Variants in PAX5 observed in about 807,000 individuals in gnomAD.
The protein encoded by PAX5 is paired box 5.
In PAX5, 9 loss-of-function variants were observed where a neutral mutation model predicts 43.7. That is an observed-to-expected ratio of 0.21 (90% CI 0.12 to 0.36). The LOEUF (loss-of-function observed/expected upper bound fraction) is 0.36, where lower values mean the gene tolerates loss of function less well. Ranked by LOEUF, PAX5 falls within the 10% of genes least tolerant of loss-of-function variation. The probability of loss-of-function intolerance (pLI) is 1.00; values close to 1 mark genes in which losing one functional copy is unlikely to be tolerated. For synonymous variants in PAX5, 228 were observed against 214.3 expected, an observed-to-expected ratio of 1.06 and a Z score of -0.56; for missense variants, 383 against 532.7, an observed-to-expected ratio of 0.72 and a Z score of 2.77.
chr9:36,972,636 C>A lies in PAX5; in HGVS notation c.605-5912G>T, dbSNP rs184662671. Among the ~76,000 whole-genome samples, 263 of 152,232 alleles carry A rather than the reference C, an allele frequency of 1.7e-3. 1 individual carries two copies. Among genetic ancestry groups the A allele is most frequent in the African/African-American group, 6.1e-3 (253 of 41,538 alleles). On this transcript the variant is annotated intron_variant, in intron 5 of 9. Transcript: ENST00000358127. ...GAATGAGCACTCCTGTGATGAGAGG[C>A]CTGTTGGTTGGGGGTGGTGGGAGTG...
At chr9:36,934,819 G>A (rs1176135388) in intron 6 of PAX5, among the ~76,000 whole-genome samples, 1 of 152,184 alleles carries the variant, frequency 6.6e-6, no homozygotes, top group Admixed American at 6.5e-5. Context: ...ATAAGGATGA[G>A]ACAGTGTCTC....
intron 5 of PAX5, among the ~76,000 whole-genome samples, chr9:36,999,923 G>A (rs775147290): frequency 2.0e-5 from 3 of 151,992 alleles, no homozygotes; most frequent in African/African-American, 7.2e-5. Context: ...GCTCTGCCCA[G>A]CCCCAGACTG....
intron 9 of PAX5, 97 bp from the exon 10 acceptor site, chr9:36,840,733 G>A: frequency 2.8e-6 from 2 of 724,202 alleles, no homozygotes; most frequent in South Asian, 1.8e-5. Context: ...CTCAGTCCGG[G>A]CCACCATCCT....
At chr9:36,883,245 GTTACACATGCT>G (rs1826608920) in intron 7 of PAX5, among the ~76,000 whole-genome samples, 2 of 152,156 alleles carry the variant, frequency 1.3e-5, no homozygotes, top group Non-Finnish European at 1.5e-5. Flanking sequence ...TTCTGCTGCT[GTTACACATGCT>G]TTAAAACCTT....
At chr9:36,895,608 C>T (rs368844870) in intron 7 of PAX5, among the ~76,000 whole-genome samples, 18 of 152,254 alleles carry the variant, frequency 1.2e-4, no homozygotes, top group East Asian at 3.9e-4. Flanking sequence ...CTTAGGAAGC[C>T]GCCTGGCCCA....
intron 7 of PAX5, among the ~76,000 whole-genome samples, chr9:36,905,740 G>A (rs759540959): frequency 2.0e-5 from 3 of 152,186 alleles, no homozygotes; most frequent in Non-Finnish European, 4.4e-5. Context: ...ACTCTGCAAG[G>A]ACAAAGGCTG....
intron 6 of PAX5, among the ~76,000 whole-genome samples, chr9:36,963,437 A>T (rs1712378176): frequency 6.6e-6 from 1 of 151,900 alleles, no homozygotes; most frequent in Non-Finnish European, 1.5e-5. Context: ...CCCAGGTAAC[A>T]TCCCCCTCTC....
chr9:36,947,802 C>G (rs1024215708), intron 6 of PAX5, among the ~76,000 whole-genome samples: 11 of 151,918 alleles, frequency 7.2e-5, no homozygotes, highest in African/African-American at 2.7e-4. Flanking sequence ...AACTACTCTC[C>G]CTTTCCCAGA....
intron 1 of PAX5, among the ~76,000 whole-genome samples, chr9:37,024,283 C>T (rs146959294): frequency 3.9e-5 from 6 of 152,168 alleles, no homozygotes; most frequent in African/African-American, 1.4e-4. Context: ...GGTGGGGACT[C>T]CTCCAAACTC....
chr9:36,997,574 C>T (rs982359443), intron 5 of PAX5, among the ~76,000 whole-genome samples: 2 of 152,234 alleles, frequency 1.3e-5, no homozygotes, highest in Non-Finnish European at 2.9e-5. Context: ...CTGCCACCAC[C>T]TCCTCTGGGC....
At chr9:36,923,154 T>C in intron 7 of PAX5, 1 of 566,210 alleles carries the variant, frequency 1.8e-6, no homozygotes, top group Non-Finnish European at 3.0e-6. Flanking sequence ...TCTCCCCAGC[T>C]TTGTTGGAAT....
chr9:36,932,515 G>C (rs1475816579), intron 6 of PAX5, among the ~76,000 whole-genome samples: 1 of 152,186 alleles, frequency 6.6e-6, no homozygotes, highest in African/African-American at 2.4e-5. Flanking sequence ...GATGCTAGAA[G>C]TGGCAAATCT....
intron 6 of PAX5, among the ~76,000 whole-genome samples, chr9:36,964,229 C>G (rs973323603): frequency 6.7e-6 from 1 of 148,286 alleles, no homozygotes; most frequent in Admixed American, 6.8e-5. Context: ...TGCAGTGAGC[C>G]GAGATCGCGC....
chr9:36,872,573 G>C (rs1825583887), intron 8 of PAX5, among the ~76,000 whole-genome samples: 1 of 152,132 alleles, frequency 6.6e-6, no homozygotes, highest in Non-Finnish European at 1.5e-5. Flanking sequence ...ATTCAAGTAG[G>C]ACCTTCATGT....
At chr9:36,974,038 G>A (rs1462635479) in intron 5 of PAX5, among the ~76,000 whole-genome samples, 5 of 151,960 alleles carry the variant, frequency 3.3e-5, no homozygotes, top group Non-Finnish European at 5.9e-5. Flanking sequence ...AGTTAGCTGG[G>A]GTGTGGTGGT....
intron 7 of PAX5, among the ~76,000 whole-genome samples, chr9:36,915,809 C>A (rs190049541): frequency 2.0e-4 from 30 of 152,290 alleles, no homozygotes; most frequent in Admixed American, 9.2e-4. Flanking sequence ...CAGTTGCTCA[C>A]TTCTGTAATC....
intron 5 of PAX5, among the ~76,000 whole-genome samples, chr9:36,986,123 T>G (rs1205067756): frequency 6.6e-6 from 1 of 151,842 alleles, no homozygotes; most frequent in Non-Finnish European, 1.5e-5. Context: ...TCTGCTCCGC[T>G]GCCCAGCTCC....
At position 37,020,746 on chromosome 9, in the gene PAX5, C is replaced by A; in HGVS notation, c.102G>T (p.Pro34=). The A allele has an allele frequency of 6.2e-7, 1 of 1,614,126 alleles. No homozygotes were observed. The highest frequency in any genetic ancestry group is 1.3e-5 in the African/African-American group (1 of 75,010). ...GGVFVNGRPL[P]DVVRQRIVEL... is the part of the protein sequence containing the mutation. ...CCACTATCCTCTGGCGGACTACATCCGGGAGTGGCCGTCCATTCACAAAAA... is the reference window on the plus strand; with the variant it reads ...CCACTATCCTCTGGCGGACTACATCAGGGAGTGGCCGTCCATTCACAAAAA... The change falls in exon 2 of 10, where the codon CCG becomes CCT. Residue 34 remains proline (P), a synonymous_variant. Coordinates refer to ENST00000358127, the MANE Select transcript of PAX5 (RefSeq NM_016734.3).
At chr9:36,925,391 CA>C (rs1830568707) in intron 6 of PAX5, among the ~76,000 whole-genome samples, 1 of 152,150 alleles carries the variant, frequency 6.6e-6, no homozygotes, top group Admixed American at 6.5e-5. Flanking sequence ...ACAGGCTTAC[CA>C]GGCATCAGGA....
Sources: gnomAD v4.1 joint callset for allele counts (sites outside exome capture counted in the v4.1 genomes callset) on GRCh38, gnomAD v4.1.1 for gene constraint, MANE v1.5 for transcripts, NCBI Gene and HGNC (gene_info 2026-07-23, HGNC 2026-07-21) for gene names.